Variants in MALRD1 observed in about 807,000 individuals in gnomAD.
MALRD1 encodes the protein MAM and LDL-receptor class A domain-containing protein 1.
In MALRD1, 247 loss-of-function variants were observed where a neutral mutation model predicts 242.1. That is an observed-to-expected ratio of 1.02 (90% CI 0.92 to 1.13). MALRD1 has a LOEUF of 1.13. Ranked by LOEUF, MALRD1 falls within the 50% of genes most tolerant of loss-of-function variation. The probability of loss-of-function intolerance (pLI) is 0.00; values close to 1 mark genes in which losing one functional copy is unlikely to be tolerated. For synonymous variants in MALRD1, 995 were observed against 866.6 expected, an observed-to-expected ratio of 1.15 and a Z score of -2.60; for missense variants, 2,989 against 2,533.1, an observed-to-expected ratio of 1.18 and a Z score of -3.86.
intron 28 of MALRD1, among the ~76,000 whole-genome samples, chr10:19,395,774 T>G (rs1480004854): frequency 6.6e-6 from 1 of 152,236 alleles, no homozygotes; most frequent in Non-Finnish European, 1.5e-5. Context: ...TGGCAATAAT[T>G]ATTCCAGGCA....
chr10:19,359,443 G>A (rs1844791432), intron 26 of MALRD1, among the ~76,000 whole-genome samples: 1 of 152,084 alleles, frequency 6.6e-6, no homozygotes, highest in Non-Finnish European at 1.5e-5. Context: ...AAGACGTTTT[G>A]AAGATTTTGT....
At chr10:19,389,350 G>C in intron 27 of MALRD1, 102 bp from the exon 28 acceptor site, 1 of 1,251,430 alleles carries the variant, frequency 8.0e-7, no homozygotes, top group East Asian at 2.5e-5. Context: ...TGGCAGCTCA[G>C]ATCATACGAA....
intron 28 of MALRD1, among the ~76,000 whole-genome samples, chr10:19,426,696 G>A (rs1175490928): frequency 6.6e-6 from 1 of 152,040 alleles, no homozygotes; most frequent in African/African-American, 2.4e-5. Flanking sequence ...CCAGCTTCTT[G>A]GGAGGCTGAG....
Position 19,162,269 on chromosome 10 carries a change from A to T in MALRD1, c.1657-3368A>T, listed in dbSNP as rs189181353. Among the ~76,000 whole-genome samples the T allele has an allele frequency of 3.5e-4, 53 of 151,568 alleles. 1 individual carries two copies. Among genetic ancestry groups the T allele is most frequent in the Admixed American group, 2.0e-3 (31 of 15,126 alleles). On this transcript the variant is annotated intron_variant, in intron 12 of 39. Transcript: ENST00000454679. ...TATACATTTTTTTGACGTAGAATAGATTATCTTTCTTCCTCTCTTTCCTCT... is the reference window on the plus strand; with the variant it reads ...TATACATTTTTTTGACGTAGAATAGTTTATCTTTCTTCCTCTCTTTCCTCT...
At chr10:19,729,409 T>C (rs898239505) in intron 38 of MALRD1, among the ~76,000 whole-genome samples, 1 of 152,232 alleles carries the variant, frequency 6.6e-6, no homozygotes, top group African/African-American at 2.4e-5. Flanking sequence ...ACATACATTA[T>C]ACATTGTGTT....
rs1287290239 is a variant in MALRD1, at chr10:19,331,258, AAAAC to A, written c.3688-104_3688-101del. 4 of 982,722 alleles carry A rather than the reference AAAAC, an allele frequency of 4.1e-6. No individual in the cohort carries two copies. In the African/African-American group the frequency reaches 5.0e-5, roughly 12 times the overall value. The allele number at this position is 982,722 out of a possible 1,614,324, so 60.9% of individuals were successfully genotyped here. A position where few individuals can be genotyped will look rare whatever the true frequency, so the allele number is the denominator to read the frequency against. On this transcript the variant is annotated intron_variant, in intron 23 of 39. Coordinates refer to ENST00000454679, the MANE Select transcript of MALRD1 (RefSeq NM_001142308.3). ...CATAAAAAACAAAAACAAAAACAAA[AAAAC>A]AAACAACAAAAAACAGATTCACGAT... is the stretch of plus-strand genomic sequence containing the variant.
At chr10:19,518,778 A>G (rs1157919451) in intron 31 of MALRD1, among the ~76,000 whole-genome samples, 1 of 152,226 alleles carries the variant, frequency 6.6e-6, no homozygotes, top group Non-Finnish European at 1.5e-5. Context: ...CTTCCTAAAT[A>G]GAACAAACTT....
At chr10:19,720,930 A>G (rs1428277297) in intron 38 of MALRD1, among the ~76,000 whole-genome samples, 3 of 152,180 alleles carry the variant, frequency 2.0e-5, no homozygotes, top group Admixed American at 6.5e-5. Context: ...CATAGGAAAC[A>G]CAGGGCACCA....
chr10:19,445,137 G>A (rs907192351), intron 28 of MALRD1, among the ~76,000 whole-genome samples: 17 of 152,144 alleles, frequency 1.1e-4, no homozygotes, highest in African/African-American at 3.9e-4. Flanking sequence ...TAGCTCTCGT[G>A]CCATGATTTT....
At chr10:19,411,000 TTC>T (rs1833257225) in intron 28 of MALRD1, among the ~76,000 whole-genome samples, 1 of 152,164 alleles carries the variant, frequency 6.6e-6, no homozygotes, top group African/African-American at 2.4e-5. Context: ...GTGCTATAAT[TTC>T]TTTTTCAGAA....
chr10:19,558,903 G>A (rs1814998711), intron 32 of MALRD1, among the ~76,000 whole-genome samples: 1 of 151,858 alleles, frequency 6.6e-6, no homozygotes, highest in South Asian at 2.1e-4. Context: ...ATATTTTTTG[G>A]CTGGGTGCGG....
intron 28 of MALRD1, among the ~76,000 whole-genome samples, chr10:19,408,938 G>C (rs1404270073): frequency 6.6e-6 from 1 of 152,192 alleles, no homozygotes; most frequent in East Asian, 1.9e-4. Context: ...CAGTTGCACT[G>C]ATAGTTGTTT....
intron 38 of MALRD1, among the ~76,000 whole-genome samples, chr10:19,701,767 CTCT>C (rs1337855017): frequency 2.3e-5 from 3 of 131,504 alleles, no homozygotes; most frequent in Non-Finnish European, 4.8e-5. Context: ...CCTTCCCCTT[CTCT>C]TCTTCTCCCT....
chr10:19,691,698 C>A (rs1361979282), intron 36 of MALRD1, among the ~76,000 whole-genome samples: 1 of 152,124 alleles, frequency 6.6e-6, no homozygotes, highest in African/African-American at 2.4e-5. Context: ...TTAAAAGTTT[C>A]ATCATGTACA....
At chr10:19,430,585 A>G (rs748483492) in intron 28 of MALRD1, among the ~76,000 whole-genome samples, 16 of 152,172 alleles carry the variant, frequency 1.1e-4, no homozygotes, top group Admixed American at 5.9e-4. Context: ...ATTTGCTCAC[A>G]CACAAGTATA....
intron 21 of MALRD1, among the ~76,000 whole-genome samples, chr10:19,315,177 T>G (rs12219000): frequency 9.9e-4 from 125 of 126,152 alleles, no homozygotes; most frequent in Middle Eastern, 5.4e-3. Flanking sequence ...ATAATTTATA[T>G]AAATATATAA....
intron 14 of MALRD1, among the ~76,000 whole-genome samples, chr10:19,193,510 A>G (rs531279918): frequency 1.1e-4 from 16 of 152,342 alleles, no homozygotes; most frequent in African/African-American, 3.6e-4. Context: ...AGCCGTGATC[A>G]TGCCACTGCA....
intron 19 of MALRD1, among the ~76,000 whole-genome samples, chr10:19,277,041 T>C (rs898371589): frequency 1.1e-4 from 17 of 152,054 alleles, no homozygotes; most frequent in Admixed American, 4.6e-4. Flanking sequence ...CACCTTAGCC[T>C]CCCAAGTAGT....
At chr10:19,604,362 G>T (rs574133341) in intron 34 of MALRD1, among the ~76,000 whole-genome samples, 1 of 152,130 alleles carries the variant, frequency 6.6e-6, no homozygotes, top group Non-Finnish European at 1.5e-5. Context: ...TGTCAAAATG[G>T]TGCAATGGGT....
Sources: allele counts gnomAD v4.1 joint callset (sites outside exome capture counted in the v4.1 genomes callset), GRCh38; gene constraint gnomAD v4.1.1; transcripts MANE v1.5; gene names NCBI Gene and HGNC (gene_info 2026-07-23, HGNC 2026-07-21).